The following STKLD1 variants were observed in gnomAD, a reference collection of about 807,000 sequenced individuals.
STKLD1 encodes the protein serine/threonine kinase-like domain-containing protein STKLD1.
In STKLD1, 79 loss-of-function variants were observed where a neutral mutation model predicts 80.4. The observed-to-expected ratio is 0.98, with a 90% CI of 0.82 to 1.19. The LOEUF is 1.19. STKLD1 is among the 50% of genes most tolerant of loss of function. The probability of loss-of-function intolerance (pLI) is 0.00; values close to 1 mark genes in which losing one functional copy is unlikely to be tolerated. For synonymous variants in STKLD1, 393 were observed against 357.6 expected (o/e 1.10, Z -1.12); for missense variants, 841 against 856.0 (o/e 0.98, Z 0.22).
At position 133,384,129 on chromosome 9, in the gene STKLD1, T is replaced by A; in HGVS notation, c.219+229T>A. Reference sequence around the variant, plus strand: ...GGTGCCGACAACTTAGAACATATGTTCCCAGAGAACATAAAATTTAAATAT... The same window carrying A: ...GGTGCCGACAACTTAGAACATATGTACCCAGAGAACATAAAATTTAAATAT... On this transcript the variant is annotated intron_variant, in intron 3 of 17. Coordinates refer to ENST00000371957, the MANE Select transcript of STKLD1 (RefSeq NM_153710.5). This position sits in a 1 kb window ranked among gnomAD's most constrained non-coding sequence, Gnocchi z 4.3. 1.8e-6 allele frequency: 1 copy of A among 548,232 alleles called. No homozygotes were observed. 34.0% of individuals were successfully genotyped at this position (548,232 alleles called of 1,614,324 possible).
chr9:133,401,770 T>G lies in STKLD1; in HGVS notation c.1231T>G (p.Cys411Gly). Reference sequence around the variant, plus strand: ...GCACCACCCGGAAGCCAAGGCTCCCTGCAACCAAGCCATCACCTCCACCCT... The same window carrying G: ...GCACCACCCGGAAGCCAAGGCTCCCGGCAACCAAGCCATCACCTCCACCCT... ...LVHHPEAKAP[C>G]NQAITSTLLS... is the part of the protein sequence containing the mutation. The change falls in exon 13 of 18, where the codon TGC becomes GGC. Residue 411 changes from cysteine to glycine, a missense_variant. Coordinates refer to ENST00000371957, the MANE Select transcript of STKLD1 (RefSeq NM_153710.5). 6.2e-7 allele frequency: 1 copy of G among 1,613,420 alleles called. No homozygotes were observed.
chr9:133,405,665 C>T lies in STKLD1; in HGVS notation c.*244C>T. ...GCTTCCTCCTTCCAGGAACTGGTTTCTTGCGCGGAAAAAGTGCTCTTGAGG... is the reference window on the plus strand; with the variant it reads ...GCTTCCTCCTTCCAGGAACTGGTTTTTTGCGCGGAAAAAGTGCTCTTGAGG... On this transcript the variant is annotated 3_prime_UTR_variant, in exon 18 of 18. Coordinates refer to ENST00000371957, the MANE Select transcript of STKLD1 (RefSeq NM_153710.5). The T allele has an allele frequency of 2.5e-6, 1 of 400,920 alleles. No individual in the cohort carries two copies. The highest frequency in any genetic ancestry group is 4.4e-6 in the Non-Finnish European group (1 of 226,672). The allele number at this position is 400,920 out of a possible 1,614,324, so 24.8% of individuals were successfully genotyped here.
rs587728713 is a variant in STKLD1, at chr9:133,405,052, T to TA, written c.1873+126dup. Reference sequence around the variant, plus strand: ...GCTCAACCCCACTTCTCGGCCCACTTAAACTTCCCACTCATTTGGCATCTT... The same window carrying TA: ...GCTCAACCCCACTTCTCGGCCCACTTAAAACTTCCCACTCATTTGGCATCTT... On this transcript the variant is annotated intron_variant, in intron 17 of 17. Coordinates refer to ENST00000371957, the MANE Select transcript of STKLD1 (RefSeq NM_153710.5). The TA allele has an allele frequency of 3.0e-4, 421 of 1,425,284 alleles. 5 individuals are homozygous for TA. In the East Asian group the frequency reaches 9.2e-3, roughly 31 times the overall value. The allele number at this position is 1,425,284 out of a possible 1,614,324, so 88.3% of individuals were successfully genotyped here.
At chr9:133,397,417 C>A (rs919906899) in intron 10 of STKLD1, 123 bp downstream of exon 10, 5 of 1,303,196 alleles carry the variant, frequency 3.8e-6, no homozygotes, top group Non-Finnish European at 5.3e-6. Flanking sequence ...CATGCACGAC[C>A]AGTGGGTAGG....
At position 133,398,068 on chromosome 9, in the gene STKLD1, C is replaced by G. The variant is rs781933023; in HGVS notation, c.1081+13C>G. On this transcript the variant is annotated intron_variant, in intron 11 of 17. Transcript: ENST00000371957. The stretch of plus-strand genomic sequence containing the variant: ...GCAGATCAGCTAGGTAGGCCCCACC[C>G]TGCACCCCTTTCCCAGCTGCTCCCC... 10 of 1,611,902 alleles carry G rather than the reference C, an allele frequency of 6.2e-6. No homozygotes were observed. The East Asian group carries it at 1.1e-4, about 18-fold the overall frequency.
At chr9:133,378,720 G>C (rs1292480915) in intron 1 of STKLD1, among the ~76,000 whole-genome samples, 3 of 152,242 alleles carry the variant, frequency 2.0e-5, no homozygotes, top group African/African-American at 7.2e-5. Flanking sequence ...GGTCTATAGA[G>C]AGTGAATAAG....
At chr9:133,383,337 GAT>G (rs2119211121) in intron 2 of STKLD1, among the ~76,000 whole-genome samples, 9 of 48,978 alleles carry the variant, frequency 1.8e-4, no homozygotes, top group African/African-American at 2.0e-4. Flanking sequence ...TGGTGATGGT[GAT>G]GGTGATGATG....
At position 133,401,857 on chromosome 9, in the gene STKLD1, C is replaced by G. The variant is rs782630938; in HGVS notation, c.1318C>G (p.Leu440Val). The G allele has an allele frequency of 6.2e-7, 1 of 1,613,494 alleles. No individual in the cohort carries two copies. Among genetic ancestry groups the G allele is most frequent in the South Asian group, 1.1e-5 (1 of 91,086 alleles). Residue 440 changes from leucine (L) to valine (V), a missense_variant, in exon 13 of 18, where the codon CTA becomes GTA. Physicochemically the swap from Leu to Val is conservative, Grantham distance 32. Transcript: ENST00000371957. ...EPLLVMVYSLLAITTTQESES... is the reference protein window; with the variant it reads ...EPLLVMVYSLVAITTTQESES... Reference sequence around the variant, plus strand: ...ACTTCTTGTCATGGTCTACAGCCTGCTAGCCATCACCACAACCCAGGGTGT... The same window carrying G: ...ACTTCTTGTCATGGTCTACAGCCTGGTAGCCATCACCACAACCCAGGGTGT...
intron 9 of STKLD1, 133 bp downstream of exon 9, chr9:133,395,896 C>CAGGGAT: frequency 1.1e-6 from 1 of 933,980 alleles, no homozygotes; most frequent in Non-Finnish European, 1.6e-6. Context: ...ATTATCCCTG[C>CAGGGAT]ACAGCTGGGC....
intron 11 of STKLD1, 105 bp from the exon 12 acceptor site, chr9:133,400,308 C>T (rs1324309818): frequency 1.3e-6 from 1 of 782,696 alleles, no homozygotes; most frequent in African/African-American, 1.7e-5. Flanking sequence ...TATTCACCCA[C>T]CTAGGGCCCT....
chr9:133,401,183 C>A (rs980766667), intron 12 of STKLD1, among the ~76,000 whole-genome samples: 1 of 149,862 alleles, frequency 6.7e-6, no homozygotes, highest in African/African-American at 2.5e-5. Context: ...GCTCGTCACC[C>A]AGGCGAGTGC....
intron 7 of STKLD1, among the ~76,000 whole-genome samples, chr9:133,392,456 GTGGA>G (rs1304273761): frequency 6.6e-6 from 1 of 151,198 alleles, no homozygotes; most frequent in Non-Finnish European, 1.5e-5. Flanking sequence ...GGGTGGGTAA[GTGGA>G]TGGATGATGG....
At chr9:133,393,641 G>GTGTT (rs1838481790) in intron 7 of STKLD1, among the ~76,000 whole-genome samples, 1 of 117,072 alleles carries the variant, frequency 8.5e-6, no homozygotes, top group Non-Finnish European at 1.8e-5. Context: ...AGGTGGGTGA[G>GTGTT]TGGATGGGTG....
intron 12 of STKLD1, among the ~76,000 whole-genome samples, chr9:133,401,339 T>C (rs992670279): frequency 3.3e-5 from 5 of 152,080 alleles, no homozygotes; most frequent in Admixed American, 6.5e-5. Flanking sequence ...GGTTTCACCA[T>C]GTTAGTCAGG....
intron 10 of STKLD1, 68 bp from the exon 11 acceptor site, chr9:133,397,904 G>A: frequency 1.5e-6 from 2 of 1,334,642 alleles, no homozygotes; most frequent in Middle Eastern, 1.9e-4. Flanking sequence ...CCAGTGTGGT[G>A]CCGAGAAACA....
At chr9:133,383,111 GTGA>G (rs1371083071) in intron 2 of STKLD1, among the ~76,000 whole-genome samples, 5 of 144,228 alleles carry the variant, frequency 3.5e-5, no homozygotes, top group African/African-American at 1.3e-4. Flanking sequence ...GGTGGTGGTG[GTGA>G]TGGTGTGATG....
At chr9:133,395,212 G>A (rs1554776542) in intron 8 of STKLD1, among the ~76,000 whole-genome samples, 3 of 152,132 alleles carry the variant, frequency 2.0e-5, no homozygotes, top group African/African-American at 7.2e-5. Flanking sequence ...AAGACTCCCA[G>A]GGAAATGAGA....
At chr9:133,376,768 C>G (rs964089938) in intron 1 of STKLD1, among the ~76,000 whole-genome samples, 1 of 152,144 alleles carries the variant, frequency 6.6e-6, no homozygotes, top group South Asian at 2.1e-4. Context: ...TGTGAATTGA[C>G]TAAGGATTCT....
chr9:133,405,155 C>A (rs1838817479), intron 17 of STKLD1, 97 bp from the exon 18 acceptor site: 3 of 1,457,312 alleles, frequency 2.1e-6, no homozygotes, highest in Admixed American at 2.2e-5. Flanking sequence ...GCATGCCAAG[C>A]CCAAGGGGGA....
Sources: gnomAD v4.1 joint callset for allele counts (sites outside exome capture counted in the v4.1 genomes callset) on GRCh38, gnomAD v4.1.1 for gene constraint, Gnocchi (gnomAD v3.1) non-coding constraint, MANE v1.5 for transcripts, NCBI Gene and HGNC (gene_info 2026-07-23, HGNC 2026-07-21) for gene names.